The following NRXN3 variants were observed in gnomAD, a reference collection of about 807,000 sequenced individuals.
NRXN3 encodes neurexin 3, also known as neurexin III.
A neutral mutation model predicts 137.6 loss-of-function variants in NRXN3; 32 were observed. The ratio of observed to expected loss-of-function variants is 0.23; its 90% confidence interval spans 0.18 to 0.31. The LOEUF (loss-of-function observed/expected upper bound fraction) is 0.31. Among genes scored for constraint, NRXN3 ranks in the 10% least tolerant of loss-of-function variants. NRXN3 has a pLI of 1.00. For synonymous variants in NRXN3, 798 were observed against 784.5 expected (o/e 1.02, Z -0.29); for missense variants, 1,574 against 2,062.5 (o/e 0.76, Z 4.59).
intron 2 of NRXN3, among the ~76,000 whole-genome samples, chr14:78,276,070 G>A (rs1243526967): frequency 6.6e-6 from 1 of 152,316 alleles, no homozygotes; most frequent in East Asian, 1.9e-4. Context: ...CTCCAGGTCA[G>A]TGCCACAGTT....
intron 19 of NRXN3, among the ~76,000 whole-genome samples, chr14:79,755,793 G>A (rs572166024): frequency 6.6e-6 from 1 of 152,222 alleles, no homozygotes; most frequent in East Asian, 1.9e-4. Flanking sequence ...GTTTAAGGAT[G>A]AGGAAGAACT....
chr14:78,271,288 A>T (rs928736965), intron 2 of NRXN3, among the ~76,000 whole-genome samples: 5 of 152,192 alleles, frequency 3.3e-5, no homozygotes, highest in Non-Finnish European at 7.3e-5. Flanking sequence ...TTGCACAGCA[A>T]AATGACTTTT....
intron 6 of NRXN3, chr14:78,698,313 A>G (rs2098247152): frequency 6.6e-6 from 1 of 152,046 alleles, no homozygotes; most frequent in South Asian, 2.1e-4. Context: ...GAATGCTTTT[A>G]CAGTATTTTC....
chr14:78,311,395 T>C (rs536776245), intron 4 of NRXN3, among the ~76,000 whole-genome samples: 114 of 152,302 alleles, frequency 7.5e-4, no homozygotes, highest in Middle Eastern at 6.8e-3. Flanking sequence ...GTACCTCCAT[T>C]GCAAGAGGGA....
chr14:78,490,075 T>C (rs2153748569), intron 4 of NRXN3, among the ~76,000 whole-genome samples: 1 of 152,162 alleles, frequency 6.6e-6, no homozygotes, highest in African/African-American at 2.4e-5. Flanking sequence ...CCACCATGCC[T>C]GGCTAATTTT....
intron 15 of NRXN3, among the ~76,000 whole-genome samples, chr14:79,126,810 A>G (rs888575537): frequency 1.3e-5 from 2 of 152,072 alleles, no homozygotes; most frequent in African/African-American, 4.8e-5. Flanking sequence ...AAGTCTTCCT[A>G]TTTCTCCACA....
intron 15 of NRXN3, among the ~76,000 whole-genome samples, chr14:79,011,098 T>C (rs1484468952): frequency 6.6e-6 from 1 of 152,060 alleles, no homozygotes; most frequent in Non-Finnish European, 1.5e-5. Context: ...TCTATTTACG[T>C]AGAGGTCTCA....
At chr14:79,855,815 A>G (rs537107045) in intron 20 of NRXN3, among the ~76,000 whole-genome samples, 1 of 152,270 alleles carries the variant, frequency 6.6e-6, no homozygotes, top group African/African-American at 2.4e-5. Context: ...AATACTTGAT[A>G]TGCATTATTT....
At chr14:78,544,610 C>T (rs1050846699) in intron 4 of NRXN3, among the ~76,000 whole-genome samples, 2 of 152,182 alleles carry the variant, frequency 1.3e-5, no homozygotes, top group Non-Finnish European at 2.9e-5. Context: ...TAAGTTAAGG[C>T]TCATAGAGGC....
chr14:78,901,017 C>A (rs752679942), intron 10 of NRXN3, among the ~76,000 whole-genome samples: 2 of 152,154 alleles, frequency 1.3e-5, no homozygotes, highest in East Asian at 1.9e-4. Flanking sequence ...AAAGCCCTAG[C>A]TCTTTTCCCT....
chr14:79,224,634 C>T (rs749621511), intron 15 of NRXN3, among the ~76,000 whole-genome samples: 6 of 152,096 alleles, frequency 3.9e-5, no homozygotes, highest in Non-Finnish European at 5.9e-5. Context: ...CCTGGAACCT[C>T]AGAATGTGAC....
chr14:79,169,117 G>GA (rs2061545695), intron 15 of NRXN3, among the ~76,000 whole-genome samples: 3 of 151,998 alleles, frequency 2.0e-5, no homozygotes, highest in Non-Finnish European at 4.4e-5. Flanking sequence ...AGTCACCCTT[G>GA]AAAATATGTT....
At chr14:79,137,931 A>T (rs1478896561) in intron 15 of NRXN3, among the ~76,000 whole-genome samples, 3 of 152,168 alleles carry the variant, frequency 2.0e-5, no homozygotes, top group African/African-American at 7.2e-5. Context: ...TTTCATTGTC[A>T]TTGGAGAAGG....
intron 8 of NRXN3, among the ~76,000 whole-genome samples, chr14:78,742,558 G>T (rs1305850143): frequency 6.6e-6 from 1 of 152,140 alleles, no homozygotes; most frequent in Non-Finnish European, 1.5e-5. Context: ...ATTAGCCAAA[G>T]GTATGTAGTG....
At chr14:78,701,221 G>C (rs1003268691) in intron 6 of NRXN3, among the ~76,000 whole-genome samples, 1 of 152,186 alleles carries the variant, frequency 6.6e-6, no homozygotes, top group Admixed American at 6.5e-5. Context: ...ATAAGGCAAA[G>C]GGTCAGAAAT....
At position 78,556,698 on chromosome 14, in the gene NRXN3, G is replaced by T. The variant is rs528070651; in HGVS notation, c.758-88422G>T. ...GTGTATAAATAGCATTTATGATGTT[G>T]GTTGCACTAGAAAAAGGAAAGTTAT... On this transcript the variant is annotated intron_variant, in intron 4 of 20. Coordinates refer to ENST00000335750, the MANE Select transcript of NRXN3 (RefSeq NM_001330195.2). Among the ~76,000 whole-genome samples, 14 of 152,102 alleles carry T rather than the reference G, an allele frequency of 9.2e-5. 1 individual carries two copies. Among genetic ancestry groups the T allele is most frequent in the African/African-American group, 2.4e-4 (10 of 41,498 alleles).
At chr14:78,267,972 G>A (rs1301869037) in intron 2 of NRXN3, among the ~76,000 whole-genome samples, 1 of 152,154 alleles carries the variant, frequency 6.6e-6, no homozygotes, top group African/African-American at 2.4e-5. Flanking sequence ...AGACACAAAG[G>A]CTCATGATGA....
intron 10 of NRXN3, among the ~76,000 whole-genome samples, chr14:78,886,534 T>G (rs154314): frequency 0.14 from 21,023 of 151,920 alleles, 2,990 homozygotes; most frequent in African/African-American, 0.37. Flanking sequence ...CACTTTAGAG[T>G]CTTTAATTTG....
intron 4 of NRXN3, among the ~76,000 whole-genome samples, chr14:78,529,106 T>C (rs1218743960): frequency 1.3e-5 from 2 of 152,128 alleles, no homozygotes; most frequent in Non-Finnish European, 2.9e-5. Context: ...GAGACAAACG[T>C]CAGGAGATTG....
Sources: allele counts gnomAD v4.1 joint callset (sites outside exome capture counted in the v4.1 genomes callset), GRCh38; gene constraint gnomAD v4.1.1; transcripts MANE v1.5; gene names NCBI Gene and HGNC (gene_info 2026-07-23, HGNC 2026-07-21).